The following RNF150 variants were observed in gnomAD, a reference collection of about 807,000 sequenced individuals.
The protein encoded by RNF150 is ring finger protein 150.
In RNF150, 24 loss-of-function variants were observed where a neutral mutation model predicts 39.3. The observed-to-expected ratio is 0.61, with a 90% confidence interval of 0.44 to 0.86. RNF150 has a LOEUF of 0.86. RNF150 is among the 40% of genes least tolerant of loss of function. The pLI is 0.00. For missense variants in RNF150, 502 were observed against 587.8 expected (o/e 0.85, Z 1.51); for synonymous variants, 255 against 227.3 (o/e 1.12, Z -1.10).
chr4:141,186,472 C>T (rs960639163), intron 1 of RNF150, among the ~76,000 whole-genome samples: 1 of 152,132 alleles, frequency 6.6e-6, no homozygotes, highest in East Asian at 1.9e-4. Flanking sequence ...GATCTCGGCT[C>T]ACTGCAAGCT....
At chr4:140,902,804 G>A (rs1320375864) in intron 6 of RNF150, among the ~76,000 whole-genome samples, 1 of 152,160 alleles carries the variant, frequency 6.6e-6, no homozygotes, top group African/African-American at 2.4e-5. Flanking sequence ...AGCTGTGGAC[G>A]GAGGCCAACT....
chr4:141,196,657 C>T (rs762935675), intron 1 of RNF150, among the ~76,000 whole-genome samples: 3 of 151,842 alleles, frequency 2.0e-5, no homozygotes, highest in Admixed American at 6.5e-5. Flanking sequence ...GTTCTAGTAA[C>T]TATTTTACCA....
At chr4:141,125,438 T>C (rs939613639) in intron 1 of RNF150, among the ~76,000 whole-genome samples, 1 of 152,176 alleles carries the variant, frequency 6.6e-6, no homozygotes, top group African/African-American at 2.4e-5. Context: ...ACAAATTACA[T>C]TATCAAATAC....
intron 1 of RNF150, among the ~76,000 whole-genome samples, chr4:140,978,402 C>T (rs2111450764): frequency 6.6e-6 from 1 of 152,232 alleles, no homozygotes; most frequent in Middle Eastern, 3.4e-3. Flanking sequence ...CTTAGAATGG[C>T]TCTAGTAACA....
intron 1 of RNF150, among the ~76,000 whole-genome samples, chr4:141,145,476 A>G (rs1727184454): frequency 6.6e-6 from 1 of 152,254 alleles, no homozygotes; most frequent in Non-Finnish European, 1.5e-5. Flanking sequence ...AACTGAATAT[A>G]CATAGATCAT....
At chr4:141,011,853 T>C (rs1208070523) in intron 1 of RNF150, among the ~76,000 whole-genome samples, 1 of 152,228 alleles carries the variant, frequency 6.6e-6, no homozygotes, top group Non-Finnish European at 1.5e-5. Flanking sequence ...GTATTTACGA[T>C]ATATAAAACC....
At chr4:140,924,684 G>A (rs1731318771) in intron 5 of RNF150, among the ~76,000 whole-genome samples, 1 of 152,250 alleles carries the variant, frequency 6.6e-6, no homozygotes, top group South Asian at 2.1e-4. Flanking sequence ...ATCTGGTAGA[G>A]CTCTTGGGTT....
chr4:141,017,549 G>A (rs1005118591), intron 1 of RNF150, among the ~76,000 whole-genome samples: 3 of 152,120 alleles, frequency 2.0e-5, no homozygotes, highest in African/African-American at 7.2e-5. Flanking sequence ...TTCACTTCTG[G>A]TGTACATTTT....
intron 1 of RNF150, among the ~76,000 whole-genome samples, chr4:141,028,556 G>C (rs1255022970): frequency 2.0e-5 from 3 of 152,122 alleles, no homozygotes; most frequent in African/African-American, 7.2e-5. Context: ...GAATTTTACT[G>C]TCAGTAGAGA....
chr4:140,905,994 G>A (rs941799073), intron 6 of RNF150, among the ~76,000 whole-genome samples: 6 of 152,166 alleles, frequency 3.9e-5, no homozygotes, highest in Admixed American at 3.9e-4. Context: ...TCATGAGTAA[G>A]CAAGAGCGAC....
chr4:140,988,329 A>G (rs1284046489), intron 1 of RNF150, among the ~76,000 whole-genome samples: 2 of 152,178 alleles, frequency 1.3e-5, no homozygotes, highest in Non-Finnish European at 2.9e-5. Flanking sequence ...TGTTTACAAC[A>G]GCAAAGACAT....
chr4:141,109,383 A>G (rs1048707655), intron 1 of RNF150, among the ~76,000 whole-genome samples: 1 of 152,028 alleles, frequency 6.6e-6, no homozygotes, highest in Non-Finnish European at 1.5e-5. Flanking sequence ...CAAAGGAGCC[A>G]AGGAGAAATA....
intron 5 of RNF150, among the ~76,000 whole-genome samples, chr4:140,921,157 G>A (rs1194301906): frequency 1.6e-5 from 2 of 126,694 alleles, no homozygotes; most frequent in Non-Finnish European, 3.3e-5. Flanking sequence ...TTGTGCACAT[G>A]TACCCTAAAA....
At chr4:140,990,736 T>C (rs1734166893) in intron 1 of RNF150, among the ~76,000 whole-genome samples, 1 of 152,244 alleles carries the variant, frequency 6.6e-6, no homozygotes, top group Non-Finnish European at 1.5e-5. Context: ...CAGTCTATCA[T>C]TGATGGGCAT....
chr4:141,096,983 C>T (rs1252246055), intron 1 of RNF150, among the ~76,000 whole-genome samples: 1 of 152,198 alleles, frequency 6.6e-6, no homozygotes, highest in East Asian at 1.9e-4. Flanking sequence ...TTCTCTAATG[C>T]TCTTTCCAGG....
intron 1 of RNF150, among the ~76,000 whole-genome samples, chr4:141,189,740 C>G (rs964468516): frequency 6.6e-6 from 1 of 152,114 alleles, no homozygotes; most frequent in Non-Finnish European, 1.5e-5. Flanking sequence ...ATGGCAGATG[C>G]CCCTCCCACC....
chr4:141,055,023 A>G (rs934421681), intron 1 of RNF150, among the ~76,000 whole-genome samples: 1 of 152,184 alleles, frequency 6.6e-6, no homozygotes, highest in Non-Finnish European at 1.5e-5. Flanking sequence ...GAGCACAATT[A>G]AAGTGAAACA....
At chr4:141,041,338 A>T (rs1736364485) in intron 1 of RNF150, among the ~76,000 whole-genome samples, 1 of 152,170 alleles carries the variant, frequency 6.6e-6, no homozygotes, top group Non-Finnish European at 1.5e-5. Context: ...CTGAGGTCAT[A>T]AAGGGTAGAA....
chr4:140,998,671 A>G (rs542586865), intron 1 of RNF150, among the ~76,000 whole-genome samples: 34 of 152,160 alleles, frequency 2.2e-4, no homozygotes, highest in Non-Finnish European at 4.7e-4. Flanking sequence ...CCACTGTAAC[A>G]CAAGAACATG....
Sources: allele counts gnomAD v4.1 joint callset (sites outside exome capture counted in the v4.1 genomes callset), GRCh38; gene constraint gnomAD v4.1.1; transcripts MANE v1.5; gene names NCBI Gene and HGNC (gene_info 2026-07-23, HGNC 2026-07-21).